TRPM3: variants seen among roughly 807,000 people sequenced by gnomAD.
TRPM3 encodes transient receptor potential cation channel subfamily M member 3, also known as long transient receptor potential channel 3.
In TRPM3, 77 loss-of-function variants were observed where a neutral mutation model predicts 181.2. The observed-to-expected ratio is 0.42, with a 90% CI of 0.35 to 0.51. The LOEUF is 0.51. TRPM3 is among the 20% of genes least tolerant of loss of function. The pLI, the probability that TRPM3 is intolerant of heterozygous loss-of-function variation, is 0.01. For missense variants in TRPM3, 1,759 were observed against 2,196.7 expected, an observed-to-expected ratio of 0.80 and a Z score of 3.98; for synonymous variants, 745 against 796.4, an observed-to-expected ratio of 0.94 and a Z score of 1.09.
chr9:71,219,266 A>T (rs1246040713), intron 1 of TRPM3, among the ~76,000 whole-genome samples: 1 of 152,144 alleles, frequency 6.6e-6, no homozygotes, highest in African/African-American at 2.4e-5. Flanking sequence ...AACTTTCTAA[A>T]AATTTTAGTA....
intron 1 of TRPM3, among the ~76,000 whole-genome samples, chr9:71,211,658 G>A (rs1170586443): frequency 6.6e-6 from 1 of 152,114 alleles, no homozygotes; most frequent in Non-Finnish European, 1.5e-5. Context: ...TCTTTGGCAT[G>A]CCTTGGCTTG....
At chr9:71,327,658 A>C (rs543928617) in intron 1 of TRPM3, among the ~76,000 whole-genome samples, 82 of 152,230 alleles carry the variant, frequency 5.4e-4, no homozygotes, top group Admixed American at 8.5e-4. Flanking sequence ...TTAATTCTGC[A>C]TATCCGAAAC....
intron 1 of TRPM3, among the ~76,000 whole-genome samples, chr9:71,198,780 G>A (rs200776472): frequency 0.015 from 2,179 of 147,894 alleles, 27 homozygotes; most frequent in East Asian, 0.069. Flanking sequence ...GGGCTGAGAC[G>A]ATGGGGTTTT....
In TRPM3 at chr9:70,939,942, A is replaced by T. The variant is rs142637847; in HGVS notation, c.178-75431T>A. The stretch of plus-strand genomic sequence containing the variant: ...AGATTCTCCATGGTTACAATAAGCT[A>T]CTTCCTAGCTAAAGGTAAGAAGCTA... On this transcript the variant is annotated intron_variant, in intron 1 of 25. Transcript: ENST00000677713. Among the ~76,000 whole-genome samples, 273 of 152,344 alleles carry T rather than the reference A, an allele frequency of 1.8e-3. 7 individuals carry two copies. The East Asian group carries it at 0.046, about 26-fold the overall frequency.
chr9:71,133,848 C>G (rs1014723195), intron 1 of TRPM3, among the ~76,000 whole-genome samples: 1 of 152,254 alleles, frequency 6.6e-6, no homozygotes, highest in East Asian at 1.9e-4. Flanking sequence ...TAAGCACAGA[C>G]AAACACTTAC....
At chr9:70,557,621 G>A (rs1014112772) in intron 22 of TRPM3, among the ~76,000 whole-genome samples, 6 of 152,166 alleles carry the variant, frequency 3.9e-5, no homozygotes, top group Admixed American at 1.3e-4. Context: ...GCACCAACCA[G>A]TATCTGGAGA....
At chr9:70,607,830 A>G (rs2061429376) in intron 19 of TRPM3, among the ~76,000 whole-genome samples, 1 of 152,216 alleles carries the variant, frequency 6.6e-6, no homozygotes. Context: ...CCAACTGGTT[A>G]ACTTTTAAGG....
rs7862440 is a variant in TRPM3 at position 70,846,421 on chromosome 9, T to C, written c.633A>G (p.Ala211=). 8 of 1,613,792 alleles carry C rather than the reference T, an allele frequency of 5.0e-6. No homozygotes were observed. In the African/African-American group the frequency reaches 5.3e-5, roughly 11 times the overall value. The change falls in exon 4 of 26, where the codon GCA becomes GCG. Residue 211 remains alanine (A), a synonymous_variant. Transcript: ENST00000677713. ...QVFGKGLIKA[A]MTTGAWIFTG... is the part of the protein sequence containing the mutation. Reference sequence around the variant, plus strand: ...TGAATATCCACGCTCCAGTTGTCATTGCTGCTTTGATGAGCCCTTTCCCAA... The same window carrying C: ...TGAATATCCACGCTCCAGTTGTCATCGCTGCTTTGATGAGCCCTTTCCCAA...
At chr9:71,374,203 A>C (rs548489386) in intron 1 of TRPM3, among the ~76,000 whole-genome samples, 27 of 152,082 alleles carry the variant, frequency 1.8e-4, no homozygotes, top group African/African-American at 6.0e-4. Context: ...GTGAAACCCC[A>C]TCTCTACTAA....
At chr9:70,778,249 T>C (rs1372843445) in intron 7 of TRPM3, among the ~76,000 whole-genome samples, 1 of 152,172 alleles carries the variant, frequency 6.6e-6, no homozygotes, top group East Asian at 1.9e-4. Context: ...GTTCCATTGA[T>C]AGGATTCTCG....
At chr9:71,020,246 C>G (rs777765447) in intron 1 of TRPM3, among the ~76,000 whole-genome samples, 36 of 151,798 alleles carry the variant, frequency 2.4e-4, no homozygotes, top group Non-Finnish European at 7.4e-5. Context: ...GTGGGAGGAT[C>G]ACTTGAGCCC....
intron 1 of TRPM3, among the ~76,000 whole-genome samples, chr9:70,923,855 CACAT>C (rs1314385221): frequency 9.1e-5 from 13 of 143,084 alleles, no homozygotes; most frequent in South Asian, 2.2e-4. Context: ...CACACACACA[CACAT>C]ATATATATAT....
Position 71,067,275 on chromosome 9 carries a change from A to G in TRPM3, c.177+53903T>C, listed in dbSNP as rs370605703. ...CAGATATACTTTGTAGAAAATTTGG[A>G]AAGTGGAAAGTACCAAGCAAAAATT... On this transcript the variant is annotated intron_variant, in intron 1 of 25. Transcript: ENST00000677713. Among the ~76,000 whole-genome samples, 6 of 152,232 alleles carry G rather than the reference A, an allele frequency of 3.9e-5. No homozygotes were observed. In the East Asian group the frequency reaches 5.8e-4, roughly 15 times the overall value.
chr9:71,255,347 A>G (rs1291230061), intron 1 of TRPM3, among the ~76,000 whole-genome samples: 1 of 152,224 alleles, frequency 6.6e-6, no homozygotes, highest in Non-Finnish European at 1.5e-5. Flanking sequence ...TTTTAAAAGA[A>G]TGCTTTAATT....
chr9:71,308,428 T>G (rs1311872819), intron 1 of TRPM3, among the ~76,000 whole-genome samples: 1 of 152,194 alleles, frequency 6.6e-6, no homozygotes, highest in Non-Finnish European at 1.5e-5. Flanking sequence ...AACATCAATT[T>G]GTGATTACTA....
intron 5 of TRPM3, among the ~76,000 whole-genome samples, chr9:70,841,624 CTA>C (rs72421594): frequency 0.023 from 1,658 of 72,776 alleles, 29 homozygotes; most frequent in Admixed American, 0.03. Context: ...CTATATCCCA[CTA>C]TATATATATA....
chr9:70,582,265 A>T (rs2132374104), intron 22 of TRPM3, among the ~76,000 whole-genome samples: 1 of 152,128 alleles, frequency 6.6e-6, no homozygotes, highest in African/African-American at 2.4e-5. Context: ...ATTCCTTTAT[A>T]ACAAACATAG....
upstream of TRPM3, chr9:71,121,678 A>G (rs926549386): frequency 5.5e-6 from 6 of 1,093,284 alleles, no homozygotes; most frequent in Non-Finnish European, 6.7e-6. Flanking sequence ...TTGGGGGGGA[A>G]CCGGGGCCAT....
chr9:71,393,497 C>T (rs922788145), intron 1 of TRPM3, among the ~76,000 whole-genome samples: 1 of 151,982 alleles, frequency 6.6e-6, no homozygotes, highest in African/African-American at 2.4e-5. Flanking sequence ...GGATGGAATA[C>T]CAAACAGAAA....
Sources: allele counts gnomAD v4.1 joint callset (sites outside exome capture counted in the v4.1 genomes callset), GRCh38; gene constraint gnomAD v4.1.1; transcripts MANE v1.5; gene names NCBI Gene and HGNC (gene_info 2026-07-23, HGNC 2026-07-21).